The following INF2 variants were observed in gnomAD, a reference collection of about 807,000 sequenced individuals.
INF2 encodes the protein inverted formin 2.
A neutral mutation model predicts 123.5 loss-of-function variants in INF2; 43 were observed. That is an observed-to-expected ratio of 0.35 (90% CI 0.27 to 0.45). INF2 has a LOEUF of 0.45. INF2 is among the 20% of genes least tolerant of loss of function. INF2 has a pLI of 1.00. For missense variants in INF2, 1,453 were observed against 1,682.7 expected (o/e 0.86, Z 2.39); for synonymous variants, 851 against 745.0 (o/e 1.14, Z -2.32).
At chr14:104,708,843 T>A in intron 10 of INF2, 111 bp downstream of exon 10, 1 of 1,114,638 alleles carries the variant, frequency 9.0e-7, no homozygotes, top group Non-Finnish European at 1.4e-6. Context: ...AAGTGCACAC[T>A]GCATCCCCTA....
At position 104,699,684 on chromosome 14, in the gene INF2, C is replaced by G. The variant is rs1595160953; in HGVS notation, c.-9-1673C>G. On this transcript the variant is annotated intron_variant, in intron 1 of 22. Coordinates refer to ENST00000392634, the MANE Select transcript of INF2 (RefSeq NM_022489.4). The surrounding 1 kb of genome is among the most constrained non-coding windows in gnomAD (Gnocchi z 4.7). The stretch of plus-strand genomic sequence containing the variant: ...CAGTGCACCGGGGGCTCCGGGCTCT[C>G]CGTTCTACAGTGCCCAGACCAGGAC... The G allele has an allele frequency of 1.4e-6, 1 of 737,660 alleles. No homozygotes were observed. Among genetic ancestry groups the G allele is most frequent in the African/African-American group, 1.9e-5 (1 of 52,188 alleles). The allele number at this position is 737,660 out of a possible 1,614,324, so 45.7% of individuals were successfully genotyped here. A position where few individuals can be genotyped will look rare whatever the true frequency, so the allele number is the denominator to read the frequency against.
chr14:104,683,326 C>T (rs1358726068), intron 1 of INF2, among the ~76,000 whole-genome samples: 2 of 152,182 alleles, frequency 1.3e-5, no homozygotes, highest in African/African-American at 2.4e-5. Context: ...CAGCCTGGGG[C>T]TGCCACTCCC....
Position 104,709,650 on chromosome 14 carries a change from C to T in INF2, c.2083C>T (p.Arg695Ter), listed in dbSNP as rs1219857388. The T allele has an allele frequency of 8.7e-6, 14 of 1,612,578 alleles. No individual in the cohort carries two copies. The highest frequency in any genetic ancestry group is 1.3e-5 in the African/African-American group (1 of 74,924). Residue 695 changes from arginine (R) to a stop codon, truncating the protein, a stop_gained, in exon 12 of 23, where the codon CGA becomes TGA. Transcript: ENST00000392634. LOFTEE classifies it high-confidence loss of function. ...AAACCTGCGGGCATTCACAGAGGAG[C>T]GAGCCAAGCTGGCCAGCGCCGACCA... The part of the protein sequence containing the change: ...IENLRAFTEE[R>*]AKLASADHFY...
chr14:104,712,670 A>T, intron 17 of INF2, 117 bp downstream of exon 17: 1 of 1,539,600 alleles, frequency 6.5e-7, no homozygotes, highest in Admixed American at 1.7e-5. Flanking sequence ...GAGTTTCCCC[A>T]GGTGTGCATG....
At chr14:104,691,452 G>A (rs1205434733) in intron 1 of INF2, among the ~76,000 whole-genome samples, 1 of 152,176 alleles carries the variant, frequency 6.6e-6, no homozygotes, top group Non-Finnish European at 1.5e-5. Context: ...AGTCAGGAAT[G>A]AGACCTGACT....
At chr14:104,704,292 G>T in intron 5 of INF2, 2 of 815,382 alleles carry the variant, frequency 2.5e-6, no homozygotes, top group Non-Finnish European at 3.5e-6. Context: ...GGAACTACAG[G>T]GTGGTTCACG....
chr14:104,685,298 A>G (rs1595146105), upstream of INF2, among the ~76,000 whole-genome samples: 1 of 152,036 alleles, frequency 6.6e-6, no homozygotes. Flanking sequence ...ACCAATGTCT[A>G]CCTCCTGCAG....
At position 104,722,190 on chromosome 14, in the gene INF2, G is replaced by T. The variant is rs368510707; in HGVS notation, c.*3397G>T. Reference sequence around the variant, plus strand: ...GTGACTGGCAGGGGCCCCAGCTGTTGGGCCTGGGCAGGACTGTTTTTAGAA... The same window carrying T: ...GTGACTGGCAGGGGCCCCAGCTGTTTGGCCTGGGCAGGACTGTTTTTAGAA... On this transcript the variant is annotated 3_prime_UTR_variant, in exon 23 of 23. Transcript: ENST00000392634. 6.6e-6 allele frequency: 1 copy of T among 152,260 alleles called. No homozygotes were observed. The highest frequency in any genetic ancestry group is 1.5e-5 in the Non-Finnish European group (1 of 68,072). 9.4% of individuals were successfully genotyped at this position (152,260 alleles called of 1,614,324 possible).
chr14:104,697,252 C>T (rs908428684), intron 1 of INF2, among the ~76,000 whole-genome samples: 6 of 152,234 alleles, frequency 3.9e-5, no homozygotes, highest in Non-Finnish European at 1.5e-5. Flanking sequence ...AGGCCCTCCT[C>T]GCCTGGCTCC....
At chr14:104,686,779 C>G (rs1005393004), upstream of INF2, among the ~76,000 whole-genome samples, 2 of 152,208 alleles carry the variant, frequency 1.3e-5, no homozygotes, top group Admixed American at 1.3e-4. Context: ...GCTGTCCTGA[C>G]TGCACGGCGG....
At chr14:104,708,374 C>T in intron 8 of INF2, 62 bp from the exon 9 acceptor site, 2 of 1,587,390 alleles carry the variant, frequency 1.3e-6, no homozygotes, top group Non-Finnish European at 8.6e-7. Flanking sequence ...CCAGCCCCTG[C>T]CTGCTGGATC....
chr14:104,710,864 A>G, intron 13 of INF2, 73 bp from the exon 14 acceptor site: 1 of 1,353,540 alleles, frequency 7.4e-7, no homozygotes, highest in South Asian at 1.2e-5. Flanking sequence ...GGCAAGCAGG[A>G]CCACACCCCA....
At chr14:104,717,141 TGA>T (rs780239026) in intron 22 of INF2, among the ~76,000 whole-genome samples, 1 of 152,254 alleles carries the variant, frequency 6.6e-6, no homozygotes, top group Non-Finnish European at 1.5e-5. Flanking sequence ...CTGAGGCATC[TGA>T]GAGTTTCTTA....
chr14:104,714,251 C>A lies in INF2; in HGVS notation c.3089C>A (p.Pro1030His). The A allele has an allele frequency of 6.3e-7, 1 of 1,587,780 alleles. No homozygotes were observed. Among genetic ancestry groups the A allele is most frequent in the Non-Finnish European group, 8.6e-7 (1 of 1,168,866 alleles). The change falls in exon 21 of 23, where the codon CCC becomes CAC. Residue 1030 changes from proline (P) to histidine (H), a missense_variant. By Grantham distance (77) the Pro-to-His change is moderately conservative. Transcript: ENST00000392634. Reference protein sequence around the residue: ...AGDPVGSTRCPASEPGLDATT... With the variant: ...AGDPVGSTRCHASEPGLDATT... ...GATCCCGTGGGCAGCACGCGCTGTC[C>A]CGCCTCTGAGCCCGGCCTTGATGCT...
chr14:104,694,005 G>A (rs1889071844), intron 1 of INF2, among the ~76,000 whole-genome samples: 1 of 152,234 alleles, frequency 6.6e-6, no homozygotes, highest in South Asian at 2.1e-4. Context: ...AGTGGCCTGA[G>A]AACGGGAGCC....
chr14:104,687,083 C>T (rs188671578), upstream of INF2, among the ~76,000 whole-genome samples: 119 of 152,314 alleles, frequency 7.8e-4, no homozygotes, highest in African/African-American at 2.8e-3. This position sits in a 1 kb window ranked among gnomAD's most constrained non-coding sequence, Gnocchi z 5.6. Context: ...CTTGTGTACC[C>T]GGCTCCGAGG....
upstream of INF2, among the ~76,000 whole-genome samples, chr14:104,685,676 T>C (rs1244977370): frequency 2.1e-5 from 3 of 139,986 alleles, no homozygotes; most frequent in Non-Finnish European, 3.1e-5. Flanking sequence ...GGTAGGTGGA[T>C]GGGTGGATGA....
chr14:104,701,882 G>T (rs1394331411), intron 2 of INF2, 126 bp downstream of exon 2: 2 of 1,088,214 alleles, frequency 1.8e-6, no homozygotes, highest in Non-Finnish European at 2.5e-6. Context: ...AGGCAAGGAG[G>T]GCTTCCTGGA....
intron 13 of INF2, among the ~76,000 whole-genome samples, chr14:104,710,552 T>C (rs1484855245): frequency 1.3e-5 from 2 of 151,208 alleles, no homozygotes; most frequent in African/African-American, 2.4e-5. Context: ...GTCACACACA[T>C]GCACACAGGA....
Sources: allele counts gnomAD v4.1 joint callset (sites outside exome capture counted in the v4.1 genomes callset), GRCh38; gene constraint gnomAD v4.1.1; non-coding constraint Gnocchi (gnomAD v3.1); transcripts MANE v1.5; gene names NCBI Gene and HGNC (gene_info 2026-07-23, HGNC 2026-07-21).